The following MARCHF4 variants were observed in gnomAD, a reference collection of about 807,000 sequenced individuals.
The protein encoded by MARCHF4 is E3 ubiquitin-protein ligase MARCHF4.
A neutral mutation model predicts 43.9 loss-of-function variants in MARCHF4; 14 were observed. That is an observed-to-expected ratio of 0.32 (90% CI 0.21 to 0.50). The LOEUF (loss-of-function observed/expected upper bound fraction) is 0.50, where lower values mean the gene tolerates loss of function less well. Ranked by LOEUF, MARCHF4 falls within the 20% of genes least tolerant of loss-of-function variation. MARCHF4 has a pLI of 0.98. For missense variants in MARCHF4, 468 were observed against 536.7 expected (o/e 0.87, Z 1.27); for synonymous variants, 226 against 213.3 (o/e 1.06, Z -0.52).
intron 1 of MARCHF4, among the ~76,000 whole-genome samples, chr2:216,351,228 G>A (rs985924235): frequency 6.6e-6 from 1 of 152,226 alleles, no homozygotes; most frequent in Non-Finnish European, 1.5e-5. Flanking sequence ...GAGTCCCACT[G>A]CATGCCAGGC....
At chr2:216,287,800 TA>T (rs565987395) in intron 1 of MARCHF4, among the ~76,000 whole-genome samples, 9,086 of 145,466 alleles carry the variant, frequency 0.062, 825 homozygotes, top group African/African-American at 0.21. Context: ...ATAATAAAAT[TA>T]AAAAAAAAAA....
At chr2:216,273,875 A>G (rs1018329589) in intron 3 of MARCHF4, among the ~76,000 whole-genome samples, 2 of 152,172 alleles carry the variant, frequency 1.3e-5, no homozygotes, top group African/African-American at 4.8e-5. Context: ...GGGTGGCCAG[A>G]GGTCCAGGTT....
intron 1 of MARCHF4, among the ~76,000 whole-genome samples, chr2:216,367,950 G>A (rs1265995283): frequency 2.0e-5 from 3 of 152,042 alleles, no homozygotes; most frequent in African/African-American, 7.3e-5. Flanking sequence ...AGGAGGGGGG[G>A]GCATGAAAAG....
At chr2:216,320,666 TCTTTC>T (rs1559098670) in intron 1 of MARCHF4, among the ~76,000 whole-genome samples, 35 of 113,522 alleles carry the variant, frequency 3.1e-4, no homozygotes, top group African/African-American at 7.4e-4. Context: ...TTTCTTTCTT[TCTTTC>T]TTTCTTTTTT....
rs528773046 is a variant in MARCHF4, at chr2:216,310,376, C to G, written c.517-26647G>C. Among the ~76,000 whole-genome samples the G allele has an allele frequency of 1.1e-4, 16 of 152,328 alleles. No individual in the cohort carries two copies. The East Asian group carries it at 1.3e-3, about 13-fold the overall frequency. On this transcript the variant is annotated intron_variant, in intron 1 of 3. Transcript: ENST00000273067. ...TTCTGGGCTCAAGCAATCCTCCCCC[C>G]TCAGCCTCCCGAGTAGCTGGGACTA...
At chr2:216,359,661 A>G (rs1482212104) in intron 1 of MARCHF4, among the ~76,000 whole-genome samples, 1 of 152,230 alleles carries the variant, frequency 6.6e-6, no homozygotes, top group East Asian at 1.9e-4. Flanking sequence ...TATCCAGTAG[A>G]TAAGGCACTG....
chr2:216,302,093 T>C (rs988042312), intron 1 of MARCHF4, among the ~76,000 whole-genome samples: 2 of 152,216 alleles, frequency 1.3e-5, no homozygotes, highest in Admixed American at 6.5e-5. Flanking sequence ...AGACAGAAGC[T>C]TGATAAAAAT....
At chr2:216,262,574 G>A (rs1479487855) in intron 3 of MARCHF4, among the ~76,000 whole-genome samples, 7 of 152,064 alleles carry the variant, frequency 4.6e-5, no homozygotes, top group Admixed American at 2.0e-4. Flanking sequence ...GGTGATGGTC[G>A]GAGAGTGGGA....
At chr2:216,306,918 C>T (rs1377795263) in intron 1 of MARCHF4, among the ~76,000 whole-genome samples, 1 of 152,076 alleles carries the variant, frequency 6.6e-6, no homozygotes, top group East Asian at 1.9e-4. Flanking sequence ...ACTGGCTGTA[C>T]ATGCATCTCA....
chr2:216,289,419 G>C lies in MARCHF4; in HGVS notation c.517-5690C>G, dbSNP rs200389532. On this transcript the variant is annotated intron_variant, in intron 1 of 3. Transcript: ENST00000273067. The stretch of plus-strand genomic sequence containing the variant: ...ACTGCATACCCTAATAAACTTGCTC[G>C]TTTTTCTCTTGTTTATCTGTCTTTT... 9.9e-5 allele frequency among the ~76,000 whole-genome samples: 15 copies of C among 152,192 alleles called. No individual in the cohort carries two copies. In the East Asian group the frequency reaches 2.9e-3, roughly 29 times the overall value.
At chr2:216,330,826 G>C (rs1277356037) in intron 1 of MARCHF4, among the ~76,000 whole-genome samples, 2 of 152,074 alleles carry the variant, frequency 1.3e-5, no homozygotes, top group Non-Finnish European at 2.9e-5. Context: ...TCAAAAATGT[G>C]TGATGCAATT....
intron 1 of MARCHF4, among the ~76,000 whole-genome samples, chr2:216,289,084 TA>T (rs1344615130): frequency 3.4e-5 from 5 of 148,954 alleles, no homozygotes; most frequent in Non-Finnish European, 7.4e-5. Context: ...TTTATTTATT[TA>T]TTTTTTTTGG....
intron 2 of MARCHF4, among the ~76,000 whole-genome samples, chr2:216,280,710 C>A (rs1311590639): frequency 6.6e-6 from 1 of 152,190 alleles, no homozygotes; most frequent in Non-Finnish European, 1.5e-5. Context: ...GTAGCTGTGT[C>A]ACCCTGGGCA....
At chr2:216,284,362 G>T (rs1691185242) in intron 1 of MARCHF4, among the ~76,000 whole-genome samples, 1 of 152,238 alleles carries the variant, frequency 6.6e-6, no homozygotes, top group South Asian at 2.1e-4. Flanking sequence ...GCAAGATGGT[G>T]TGAGGATTTG....
chr2:216,351,392 C>T (rs1348852588), intron 1 of MARCHF4: 1 of 152,488 alleles, frequency 6.6e-6, no homozygotes, highest in Admixed American at 6.5e-5. Flanking sequence ...CAGAACTATG[C>T]CAAGAAGCTT....
chr2:216,315,785 CTT>C (rs145699178), intron 1 of MARCHF4, among the ~76,000 whole-genome samples: 4,537 of 152,072 alleles, frequency 0.03, 232 homozygotes, highest in African/African-American at 0.1. Flanking sequence ...TTTATATGAC[CTT>C]TTTAGAATGA....
intron 1 of MARCHF4, among the ~76,000 whole-genome samples, chr2:216,368,941 T>C (rs2105988602): frequency 1.3e-5 from 2 of 152,262 alleles, no homozygotes; most frequent in Admixed American, 1.3e-4. Context: ...CTGCCAGACT[T>C]GGAAAAGCCC....
intron 1 of MARCHF4, among the ~76,000 whole-genome samples, chr2:216,356,473 T>C (rs1692505195): frequency 6.6e-6 from 1 of 152,222 alleles, no homozygotes; most frequent in Admixed American, 6.5e-5. Context: ...TTCTATGAGA[T>C]ATTTATTTTC....
chr2:216,280,918 G>GCAGCCAT (rs146374228), intron 2 of MARCHF4, among the ~76,000 whole-genome samples: 2,812 of 152,036 alleles, frequency 0.018, 90 homozygotes, highest in African/African-American at 0.063. Context: ...ACAGTAGGAA[G>GCAGCCAT]CAGCCATGAA....
Sources: gnomAD v4.1 joint callset for allele counts (sites outside exome capture counted in the v4.1 genomes callset) on GRCh38, gnomAD v4.1.1 for gene constraint, MANE v1.5 for transcripts, NCBI Gene and HGNC (gene_info 2026-07-23, HGNC 2026-07-21) for gene names.